RALYL: variants seen among roughly 807,000 people sequenced by gnomAD.
RALYL encodes RNA-binding Raly-like protein.
Under a neutral mutation model 35.1 loss-of-function variants are expected in RALYL, and 29 were observed. The observed-to-expected ratio is 0.83, with a 90% CI of 0.61 to 1.13. RALYL has a LOEUF of 1.13. RALYL is among the 50% of genes most tolerant of loss of function. The probability of loss-of-function intolerance (pLI) is 0.00; values close to 1 mark genes in which losing one functional copy is unlikely to be tolerated. For synonymous variants in RALYL, 120 were observed against 127.6 expected (o/e 0.94, Z 0.40); for missense variants, 359 against 360.4 (o/e 1.00, Z 0.03).
At chr8:84,500,814 G>A (rs1043473805) in intron 1 of RALYL, among the ~76,000 whole-genome samples, 1 of 152,116 alleles carries the variant, frequency 6.6e-6, no homozygotes, top group Non-Finnish European at 1.5e-5. Flanking sequence ...ATGTAAAAGT[G>A]TAATTTCTAT....
chr8:84,682,828 T>A (rs1178891576), intron 2 of RALYL, among the ~76,000 whole-genome samples: 1 of 152,152 alleles, frequency 6.6e-6, no homozygotes, highest in Admixed American at 6.5e-5. Context: ...GGTTTTTTTT[T>A]GTCTCTATTT....
chr8:84,362,345 T>C (rs1853221267), intron 1 of RALYL, among the ~76,000 whole-genome samples: 1 of 152,128 alleles, frequency 6.6e-6, no homozygotes, highest in Admixed American at 6.6e-5. Context: ...GAATTGCATC[T>C]GAGTTGGGCA....
At chr8:84,675,977 T>A (rs1211814999) in intron 2 of RALYL, among the ~76,000 whole-genome samples, 1 of 152,164 alleles carries the variant, frequency 6.6e-6, no homozygotes, top group Admixed American at 6.6e-5. Context: ...GCAAGGCAAT[T>A]GATGTGTTAA....
At chr8:84,668,009 T>G (rs1433607001) in intron 2 of RALYL, among the ~76,000 whole-genome samples, 1 of 152,140 alleles carries the variant, frequency 6.6e-6, no homozygotes, top group East Asian at 1.9e-4. Context: ...AAAATTCTTT[T>G]TCCTTACTAT....
intron 1 of RALYL, among the ~76,000 whole-genome samples, chr8:84,262,999 C>T (rs1832607284): frequency 6.6e-6 from 1 of 152,050 alleles, no homozygotes; most frequent in Non-Finnish European, 1.5e-5. Flanking sequence ...TGAACTAAGT[C>T]TAGTGTTTCT....
At chr8:84,215,523 T>G (rs1820596557) in intron 1 of RALYL, among the ~76,000 whole-genome samples, 1 of 148,554 alleles carries the variant, frequency 6.7e-6, no homozygotes, top group African/African-American at 2.5e-5. Context: ...AAATATACAT[T>G]TATTTATGCA....
At chr8:84,728,662 G>A (rs1368134271) in intron 2 of RALYL, among the ~76,000 whole-genome samples, 2 of 152,098 alleles carry the variant, frequency 1.3e-5, no homozygotes, top group African/African-American at 4.8e-5. Context: ...TAAGGTGTAA[G>A]GAAGGGATCC....
chr8:84,277,553 C>T (rs1835659704), intron 1 of RALYL, among the ~76,000 whole-genome samples: 1 of 152,190 alleles, frequency 6.6e-6, no homozygotes, highest in East Asian at 1.9e-4. Flanking sequence ...ACTCAAAAGT[C>T]CACAGTCCAA....
chr8:84,348,864 G>A (rs538704023), intron 1 of RALYL, among the ~76,000 whole-genome samples: 1 of 150,076 alleles, frequency 6.7e-6, no homozygotes, highest in South Asian at 2.1e-4. Flanking sequence ...CTGGGCCAGG[G>A]TTAGGGTTAG....
chr8:84,369,563 A>G (rs1855257368), intron 1 of RALYL, among the ~76,000 whole-genome samples: 1 of 152,104 alleles, frequency 6.6e-6, no homozygotes, highest in South Asian at 2.1e-4. Context: ...AGGTTGTGGA[A>G]GACATTACTA....
chr8:84,522,364 C>T (rs1188985368), intron 1 of RALYL, among the ~76,000 whole-genome samples: 1 of 150,958 alleles, frequency 6.6e-6, no homozygotes, highest in Non-Finnish European at 1.5e-5. Context: ...ATTCTCCTGC[C>T]TCAGCCTCCC....
intron 1 of RALYL, among the ~76,000 whole-genome samples, chr8:84,345,866 G>A (rs1849747745): frequency 6.6e-6 from 1 of 152,042 alleles, no homozygotes; most frequent in Non-Finnish European, 1.5e-5. Flanking sequence ...TATGATGCAT[G>A]CCGTGGAAAA....
At chr8:84,408,334 C>G (rs1381287511) in intron 1 of RALYL, among the ~76,000 whole-genome samples, 1 of 152,072 alleles carries the variant, frequency 6.6e-6, no homozygotes, top group Admixed American at 6.6e-5. Flanking sequence ...AGAAAAAAAC[C>G]TAGCATACTC....
At chr8:84,488,742 AT>A in intron 1 of RALYL, among the ~76,000 whole-genome samples, 1 of 151,954 alleles carries the variant, frequency 6.6e-6, no homozygotes, top group Non-Finnish European at 1.5e-5. Context: ...TAAAAAGAAC[AT>A]TTTCAAAGTA....
intron 3 of RALYL, among the ~76,000 whole-genome samples, chr8:84,803,610 T>C (rs1027934892): frequency 1.3e-5 from 2 of 152,222 alleles, no homozygotes; most frequent in Admixed American, 6.5e-5. Flanking sequence ...TACCTAGAGC[T>C]GTCCAAAGGG....
intron 1 of RALYL, among the ~76,000 whole-genome samples, chr8:84,323,866 G>A (rs140580347): frequency 9.4e-4 from 143 of 152,194 alleles, no homozygotes; most frequent in African/African-American, 3.1e-3. Flanking sequence ...ATGACTCAGT[G>A]CAGAAATTGT....
At chr8:84,880,038 A>G (rs920958599) in intron 7 of RALYL, among the ~76,000 whole-genome samples, 3 of 152,088 alleles carry the variant, frequency 2.0e-5, no homozygotes, top group Non-Finnish European at 4.4e-5. Context: ...CTAATGGAAA[A>G]GTATTGGGGG....
intron 2 of RALYL, among the ~76,000 whole-genome samples, chr8:84,660,264 A>G (rs1280669193): frequency 6.6e-6 from 1 of 152,024 alleles, no homozygotes; most frequent in Non-Finnish European, 1.5e-5. Flanking sequence ...TCTCATTTAT[A>G]TTACTTTTTT....
chr8:84,198,612 C>G (rs1157089209), intron 1 of RALYL, among the ~76,000 whole-genome samples: 3 of 152,108 alleles, frequency 2.0e-5, no homozygotes, highest in East Asian at 3.9e-4. Flanking sequence ...CTTATTCAGT[C>G]ATTCCATTTT....
Sources: allele counts gnomAD v4.1 joint callset (sites outside exome capture counted in the v4.1 genomes callset), GRCh38; gene constraint gnomAD v4.1.1; transcripts MANE v1.5; gene names NCBI Gene and HGNC (gene_info 2026-07-23, HGNC 2026-07-21).